The following UPF1 variants were observed in gnomAD, a reference collection of about 807,000 sequenced individuals.
The protein encoded by UPF1 is UPF1 RNA helicase and ATPase.
UPF1 carries 9 observed loss-of-function variants against 129.2 expected under a neutral mutation model. The ratio of observed to expected loss-of-function variants is 0.07; its 90% CI spans 0.04 to 0.12. UPF1 has a LOEUF of 0.12. Ranked by LOEUF, UPF1 falls within the 10% of genes least tolerant of loss-of-function variation. The pLI, the probability that UPF1 is intolerant of heterozygous loss-of-function variation, is 1.00. For missense variants in UPF1, 788 were observed against 1,525.3 expected, an observed-to-expected ratio of 0.52 and a Z score of 8.05; for synonymous variants, 649 against 644.9, an observed-to-expected ratio of 1.01 and a Z score of -0.10.
At position 18,850,213 on chromosome 19, in the gene UPF1, A is replaced by G; in HGVS notation, c.600A>G (p.Lys200=). ...TCCTCCTCGGCTTCATCCCGGCCAA[A>G]GCTGACTCAGTGGTGGTGCTGCTGT... is the stretch of plus-strand genomic sequence containing the variant. ...NVFLLGFIPA[K]ADSVVVLLCR... Residue 200 remains lysine (K), a synonymous_variant, in exon 4 of 24, where the codon AAA becomes AAG. Transcript: ENST00000262803. The surrounding 1 kb of genome is among the most constrained non-coding windows in gnomAD (Gnocchi z 7.1). 6.2e-7 allele frequency: 1 copy of G among 1,612,678 alleles called. No homozygotes were observed. Among genetic ancestry groups the G allele is most frequent in the Non-Finnish European group, 8.5e-7 (1 of 1,179,204 alleles).
rs778708990 is a variant in UPF1 at position 18,851,338 on chromosome 19, C to T, written c.810+470C>T. On this transcript the variant is annotated intron_variant, in intron 5 of 23. Coordinates refer to ENST00000262803, the MANE Select transcript of UPF1 (RefSeq NM_002911.4). This position sits in a 1 kb window ranked among gnomAD's most constrained non-coding sequence, Gnocchi z 4.2. Reference sequence around the variant, plus strand: ...CCTGGCCCTCCTTCCACAGACAGCCCTCACTTTTCCCCACGGAAGCCTTTC... The same window carrying T: ...CCTGGCCCTCCTTCCACAGACAGCCTTCACTTTTCCCCACGGAAGCCTTTC... Among the ~76,000 whole-genome samples the T allele has an allele frequency of 1.4e-4, 22 of 152,192 alleles. No individual in the cohort carries two copies. Among genetic ancestry groups the T allele is most frequent in the Non-Finnish European group, 2.9e-4 (20 of 68,032 alleles).
intron 5 of UPF1, 35 bp from the exon 6 acceptor site, chr19:18,852,100 C>G (rs1408375918): frequency 1.3e-6 from 2 of 1,563,070 alleles, no homozygotes; most frequent in Non-Finnish European, 1.7e-6. Flanking sequence ...TAGGGAAAAA[C>G]AGGACGAGTG....
intron 15 of UPF1, among the ~76,000 whole-genome samples, chr19:18,858,181 T>C (rs1313596229): frequency 6.6e-6 from 1 of 152,244 alleles, no homozygotes; most frequent in Non-Finnish European, 1.5e-5. Flanking sequence ...GGACACACCC[T>C]GGGTATTCAC....
At chr19:18,863,250 G>A in intron 18 of UPF1, 188 bp from the exon 19 acceptor site, 1 of 694,068 alleles carries the variant, frequency 1.4e-6, no homozygotes, top group Non-Finnish European at 2.4e-6. Flanking sequence ...ATCAACCCGT[G>A]TGCAGGGTCA....
chr19:18,855,347 C>A, intron 11 of UPF1, 105 bp downstream of exon 11: 1 of 1,298,288 alleles, frequency 7.7e-7, no homozygotes, highest in Non-Finnish European at 1.1e-6. Context: ...CCGAAGAGAG[C>A]ACGTGGCGGG....
At chr19:18,844,860 A>G (rs559835194) in intron 1 of UPF1, among the ~76,000 whole-genome samples, 1 of 152,346 alleles carries the variant, frequency 6.6e-6, no homozygotes, top group Non-Finnish European at 1.5e-5. Flanking sequence ...TTAATGTTTT[A>G]TCTTGAAACT....
intron 1 of UPF1, among the ~76,000 whole-genome samples, chr19:18,845,412 T>C (rs770122705): frequency 4.6e-5 from 7 of 152,176 alleles, no homozygotes; most frequent in African/African-American, 1.4e-4. Context: ...TTGCTGAACA[T>C]AGAAGAGGCG....
At chr19:18,843,103 A>G (rs1247677046) in intron 1 of UPF1, among the ~76,000 whole-genome samples, 2 of 152,170 alleles carry the variant, frequency 1.3e-5, no homozygotes, top group Admixed American at 1.3e-4. Flanking sequence ...GATTACAGGT[A>G]TGAGCCATCA....
chr19:18,832,118 G>T lies in UPF1; in HGVS notation c.-92G>T. On this transcript the variant is annotated 5_prime_UTR_variant, in exon 1 of 24. Transcript: ENST00000262803. This position sits in a 1 kb window ranked among gnomAD's most constrained non-coding sequence, Gnocchi z 5.6. ...TTCCGGGCGCGCGGGGGCGACAGCGGCAGCGACCCGAGGCCTGCGGCCTAG... is the reference window on the plus strand; with the variant it reads ...TTCCGGGCGCGCGGGGGCGACAGCGTCAGCGACCCGAGGCCTGCGGCCTAG... 1 of 1,214,492 alleles carries T rather than the reference G, an allele frequency of 8.2e-7. No individual in the cohort carries two copies. Among genetic ancestry groups the T allele is most frequent in the Non-Finnish European group, 1.1e-6 (1 of 935,586 alleles). 75.2% of individuals were successfully genotyped at this position (1,214,492 alleles called of 1,614,324 possible). A position where few individuals can be genotyped will look rare whatever the true frequency, so the allele number is the denominator to read the frequency against.
rs187245989 is a variant in UPF1, at chr19:18,857,687, G to A, written c.2182+154G>A. ...GGCACTTTGTGCCCAAGGTCTTGATGGTATGGTCTTGGATCAAGTGGTGTC... is the reference window on the plus strand; with the variant it reads ...GGCACTTTGTGCCCAAGGTCTTGATAGTATGGTCTTGGATCAAGTGGTGTC... On this transcript the variant is annotated intron_variant, in intron 15 of 23. Transcript: ENST00000262803. 1.4e-4 allele frequency among the ~76,000 whole-genome samples: 21 copies of A among 152,320 alleles called. No individual in the cohort carries two copies. In the East Asian group the frequency reaches 4.1e-3, roughly 29 times the overall value.
chr19:18,843,864 A>G (rs1194444413), intron 1 of UPF1, among the ~76,000 whole-genome samples: 2 of 151,036 alleles, frequency 1.3e-5, no homozygotes, highest in African/African-American at 2.4e-5. Flanking sequence ...TCCGGCCTCA[A>G]CCTCCTGATT....
intron 1 of UPF1, among the ~76,000 whole-genome samples, chr19:18,844,375 G>GT (rs2055576275): frequency 6.6e-6 from 1 of 151,416 alleles, no homozygotes; most frequent in African/African-American, 2.4e-5. Context: ...AAGGTGGAGC[G>GT]TGCAGTGGCA....
intron 17 of UPF1, among the ~76,000 whole-genome samples, 182 bp from the exon 18 acceptor site, chr19:18,861,828 T>TA (rs1568282461): frequency 1.3e-5 from 2 of 152,034 alleles, no homozygotes; most frequent in South Asian, 2.1e-4. Flanking sequence ...ATCCTGTCTC[T>TA]AAAAAAAGAA....
chr19:18,843,313 G>A (rs957224048), intron 1 of UPF1, among the ~76,000 whole-genome samples: 11 of 152,096 alleles, frequency 7.2e-5, no homozygotes, highest in African/African-American at 2.4e-4. Flanking sequence ...GTCAGAGGAT[G>A]CCTGCCTGAG....
Position 18,856,991 on chromosome 19 carries a change from A to G in UPF1, c.1939A>G (p.Met647Val). 1 of 1,612,830 alleles carries G rather than the reference A, an allele frequency of 6.2e-7. No homozygotes were observed. Among genetic ancestry groups the G allele is most frequent in the Non-Finnish European group, 8.5e-7 (1 of 1,179,926 alleles). The change falls in exon 14 of 24, where the codon ATG becomes GTG. Residue 647 changes from methionine to valine, a missense_variant. By Grantham distance (21) the Met-to-Val change is conservative. This residue lies in a region of UPF1 where 140 missense variants were observed against 385.9 expected (regional missense o/e 0.36). Transcript: ENST00000262803. ...CACCCAGGCCACCGAGCCGGAGTGC[A>G]TGGTTCCCGTGGTCCTCGGGGCCAA... is the stretch of plus-strand genomic sequence containing the variant. ...ESTQATEPEC[M>V]VPVVLGAKQL...
In UPF1 at chr19:18,855,466, G is replaced by A; in HGVS notation, c.1544+224G>A. The A allele has an allele frequency of 1.6e-5, 10 of 609,678 alleles. No individual in the cohort carries two copies. The South Asian group carries it at 1.8e-4, about 11-fold the overall frequency. 37.8% of individuals were successfully genotyped at this position (609,678 alleles called of 1,614,324 possible). A position where few individuals can be genotyped will look rare whatever the true frequency, so the allele number is the denominator to read the frequency against. ...TCTGCTACTGGTTTAGAAAACTGGG[G>A]GCAGGGGGGGCATGGCTGCAGCAGC... On this transcript the variant is annotated intron_variant, in intron 11 of 23. Transcript: ENST00000262803.
chr19:18,856,355 T>C, intron 13 of UPF1, 55 bp downstream of exon 13: 1 of 1,513,524 alleles, frequency 6.6e-7, no homozygotes, highest in Non-Finnish European at 9.0e-7. Flanking sequence ...CTGATGGTTT[T>C]TGTTTGGGCC....
chr19:18,842,204 A>G (rs139257240), intron 1 of UPF1, among the ~76,000 whole-genome samples: 38 of 152,302 alleles, frequency 2.5e-4, no homozygotes, highest in Non-Finnish European at 5.0e-4. Context: ...TAATAGATTA[A>G]AGGTGGCTAA....
chr19:18,861,128 G>C (rs1417355043), intron 17 of UPF1, 146 bp downstream of exon 17: 3 of 1,112,420 alleles, frequency 2.7e-6, no homozygotes, highest in Middle Eastern at 3.0e-4. Flanking sequence ...CCTCTGGGGA[G>C]GGCACAGACA....
Sources: gnomAD v4.1 joint callset for allele counts (sites outside exome capture counted in the v4.1 genomes callset) on GRCh38, gnomAD v4.1.1 for gene constraint, gnomAD v4.1.1 regional missense constraint, Gnocchi (gnomAD v3.1) non-coding constraint, MANE v1.5 for transcripts, NCBI Gene and HGNC (gene_info 2026-07-23, HGNC 2026-07-21) for gene names.